The following SNRPB variants were observed in gnomAD, a reference collection of about 807,000 sequenced individuals.
SNRPB encodes the protein small nuclear ribonucleoprotein-associated proteins B and B'.
Under a neutral mutation model 26.6 loss-of-function variants are expected in SNRPB, and 5 were observed. That is an observed-to-expected ratio of 0.19 (90% CI 0.10 to 0.39). The LOEUF (loss-of-function observed/expected upper bound fraction) is 0.39. Among genes scored for constraint, SNRPB ranks in the 10% least tolerant of loss-of-function variants. SNRPB has a pLI of 1.00. For missense variants in SNRPB, 211 were observed against 311.9 expected, an observed-to-expected ratio of 0.68 and a Z score of 2.44; for synonymous variants, 122 against 105.8, an observed-to-expected ratio of 1.15 and a Z score of -0.94.
intron 6 of SNRPB, 53 bp from the exon 7 acceptor site, chr20:2,461,992 C>A: frequency 7.4e-7 from 1 of 1,354,546 alleles, no homozygotes; most frequent in Non-Finnish European, 1.0e-6. Context: ...CTTGAATCCC[C>A]AACCCTGCCC....
Position 2,465,825 on chromosome 20 carries a change from G to GTCAC in SNRPB, c.156-7_156-6insGTGA. 6.2e-7 allele frequency: 1 copy of GTCAC among 1,611,820 alleles called. No homozygotes were observed. The highest frequency in any genetic ancestry group is 8.5e-7 in the Non-Finnish European group (1 of 1,178,180). On this transcript the variant is annotated splice_polypyrimidine_tract_variant and splice_region_variant and intron_variant, in intron 2 of 6. Coordinates refer to ENST00000381342, the MANE Select transcript of SNRPB (RefSeq NM_003091.4). ...CTTGTTTGGAGTTCTTTGGCCTAAA[G>GTCAC]AGAGGTTTAGAAGGAACAAAAAAAG...
chr20:2,466,571 T>G (rs112354381), intron 2 of SNRPB, among the ~76,000 whole-genome samples: 8 of 152,212 alleles, frequency 5.3e-5, no homozygotes, highest in Non-Finnish European at 1.2e-4. Context: ...TTACAGTATA[T>G]TAACTGGTTG....
At chr20:2,465,841 AC>A (rs1188050152) in intron 2 of SNRPB, 22 bp from the exon 3 acceptor site, 12 of 1,596,868 alleles carry the variant, frequency 7.5e-6, no homozygotes, top group African/African-American at 1.3e-5. Context: ...TTTAGAAGGA[AC>A]AAAAAAAGTG....
At chr20:2,462,976 T>C (rs1471412308) in intron 5 of SNRPB, 113 bp downstream of exon 5, 1 of 1,136,622 alleles carries the variant, frequency 8.8e-7, no homozygotes, top group Non-Finnish European at 1.3e-6. Context: ...CTCAGAGTAA[T>C]CCTGCTTAAT....
rs1279877679 is a variant in SNRPB at position 2,467,464 on chromosome 20, AT to A, written c.155+142del. The A allele has an allele frequency of 5.5e-6, 4 of 733,058 alleles. No individual in the cohort carries two copies. In the African/African-American group the frequency reaches 7.1e-5, roughly 13 times the overall value. The allele number at this position is 733,058 out of a possible 1,614,324, so 45.4% of individuals were successfully genotyped here. A position where few individuals can be genotyped will look rare whatever the true frequency, so the allele number is the denominator to read the frequency against. ...ACTCAAAAAGATTTCTTAGCGTTCA[AT>A]GTCCCCATTTAAGTCTGCCCTCTAA... On this transcript the variant is annotated intron_variant, in intron 2 of 6. Transcript: ENST00000381342.
intron 3 of SNRPB, among the ~76,000 whole-genome samples, chr20:2,465,390 CT>C (rs1222595485): frequency 4.6e-3 from 558 of 122,202 alleles, no homozygotes; most frequent in Admixed American, 6.5e-3. Flanking sequence ...AGGGTAACCT[CT>C]TTTTTTTTTT....
At chr20:2,469,988 A>T (rs974389560) in intron 1 of SNRPB, among the ~76,000 whole-genome samples, 1 of 152,180 alleles carries the variant, frequency 6.6e-6, no homozygotes, top group African/African-American at 2.4e-5. Flanking sequence ...TCTGCTCAGG[A>T]ACCATCTATT....
Position 2,463,060 on chromosome 20 carries a change from T to A in SNRPB, c.559+29A>T, listed in dbSNP as rs757566588. The A allele has an allele frequency of 1.1e-5, 17 of 1,519,080 alleles. No individual in the cohort carries two copies. The South Asian group carries it at 2.2e-4, about 20-fold the overall frequency. 94.1% of individuals were successfully genotyped at this position (1,519,080 alleles called of 1,614,324 possible). ...TCCAGCTAAGGCATCTTCTATCAAT[T>A]AGCACTGGTCTCCTTATGGGCTCCT... On this transcript the variant is annotated intron_variant, in intron 5 of 6. Transcript: ENST00000381342. The surrounding 1 kb of genome is among the most constrained non-coding windows in gnomAD (Gnocchi z 5.0).
intron 5 of SNRPB, 102 bp downstream of exon 5, chr20:2,462,987 T>C: frequency 8.4e-7 from 1 of 1,192,846 alleles, no homozygotes. Context: ...CCTGCTTAAT[T>C]ATACAAACTC....
In SNRPB at chr20:2,470,696, C is replaced by A. The variant is rs1367420513; in HGVS notation, c.-6G>T. 7 of 1,613,410 alleles carry A rather than the reference C, an allele frequency of 4.3e-6. No homozygotes were observed. Among genetic ancestry groups the A allele is most frequent in the Admixed American group, 3.3e-5 (2 of 59,994 alleles). ...GCCTGTGCCCTCCTTACCATGGTGG[C>A]GGTTCTGATGGCTCTGATACCCGCC... On this transcript the variant is annotated 5_prime_UTR_variant, in exon 1 of 7. Transcript: ENST00000381342.
chr20:2,464,211 C>T (rs2085056243), intron 3 of SNRPB, among the ~76,000 whole-genome samples: 1 of 152,186 alleles, frequency 6.6e-6, no homozygotes, highest in African/African-American at 2.4e-5. Flanking sequence ...GCAGGCAAGG[C>T]ATTAAAGGGA....
Position 2,462,768 on chromosome 20 carries a change from G to C in SNRPB, c.560-7C>G, listed in dbSNP as rs565253392. On this transcript the variant is annotated splice_polypyrimidine_tract_variant and splice_region_variant and intron_variant, in intron 5 of 6. Coordinates refer to ENST00000381342, the MANE Select transcript of SNRPB (RefSeq NM_003091.4). ...GGAGGTGGGCCCATCATGCCTGCAAGAGAAAAGCCCCAAGAATATAGCTCA... is the reference window on the plus strand; with the variant it reads ...GGAGGTGGGCCCATCATGCCTGCAACAGAAAAGCCCCAAGAATATAGCTCA... The C allele has an allele frequency of 2.6e-6, 4 of 1,526,876 alleles. No homozygotes were observed. The highest frequency in any genetic ancestry group is 2.2e-5 in the Admixed American group (1 of 44,492). 94.6% of individuals were successfully genotyped at this position (1,526,876 alleles called of 1,614,324 possible). A position where few individuals can be genotyped will look rare whatever the true frequency, so the allele number is the denominator to read the frequency against.
chr20:2,463,362 C>T lies in SNRPB; in HGVS notation c.421-135G>A, dbSNP rs1599996490. The T allele has an allele frequency of 2.8e-6, 2 of 701,844 alleles. No individual in the cohort carries two copies. Among genetic ancestry groups the T allele is most frequent in the Non-Finnish European group, 5.0e-6 (2 of 396,780 alleles). The allele number at this position is 701,844 out of a possible 1,614,324, so 43.5% of individuals were successfully genotyped here. On this transcript the variant is annotated intron_variant, in intron 4 of 6. Coordinates refer to ENST00000381342, the MANE Select transcript of SNRPB (RefSeq NM_003091.4). This position sits in a 1 kb window ranked among gnomAD's most constrained non-coding sequence, Gnocchi z 5.0. ...TAATGCTACAACTCTCAGCACCAGA[C>T]TTCCCATCCAAAACCACATGTCGGG...
chr20:2,470,779 A>T lies in SNRPB; in HGVS notation c.-89T>A. 1 of 1,515,728 alleles carries T rather than the reference A, an allele frequency of 6.6e-7. No individual in the cohort carries two copies. Among genetic ancestry groups the T allele is most frequent in the Non-Finnish European group, 9.1e-7 (1 of 1,096,982 alleles). 93.9% of individuals were successfully genotyped at this position (1,515,728 alleles called of 1,614,324 possible). A position where few individuals can be genotyped will look rare whatever the true frequency, so the allele number is the denominator to read the frequency against. Reference sequence around the variant, plus strand: ...CCACAGCCGATTTCCCGCCGCCGCTACCGGAAATGCAGCACCACGTAAAAT... The same window carrying T: ...CCACAGCCGATTTCCCGCCGCCGCTTCCGGAAATGCAGCACCACGTAAAAT... On this transcript the variant is annotated 5_prime_UTR_variant, in exon 1 of 7. Transcript: ENST00000381342.
chr20:2,468,339 G>C (rs1185664943), intron 1 of SNRPB, among the ~76,000 whole-genome samples: 1 of 152,158 alleles, frequency 6.6e-6, no homozygotes, highest in East Asian at 1.9e-4. Flanking sequence ...TAACCAGTTT[G>C]GACATATAAT....
At chr20:2,465,965 C>T (rs886893751) in intron 2 of SNRPB, 146 bp from the exon 3 acceptor site, 1 of 629,396 alleles carries the variant, frequency 1.6e-6, no homozygotes, top group African/African-American at 1.8e-5. Context: ...ATAGTCTCTA[C>T]AGGCTGAACA....
chr20:2,467,205 A>G, intron 2 of SNRPB: 1 of 455,620 alleles, frequency 2.2e-6, no homozygotes, highest in Non-Finnish European at 4.4e-6. Flanking sequence ...GAAGAGGGTC[A>G]GAGGCTTCTT....
At chr20:2,465,191 C>T (rs752557253) in intron 3 of SNRPB, among the ~76,000 whole-genome samples, 26 of 152,212 alleles carry the variant, frequency 1.7e-4, no homozygotes, top group Non-Finnish European at 2.1e-4. Flanking sequence ...AAAATACACA[C>T]ATTTCCTATT....
At position 2,461,809 on chromosome 20, in the gene SNRPB, G is replaced by C; in HGVS notation, c.*120C>G. 6.2e-7 allele frequency: 1 copy of C among 1,613,634 alleles called. No homozygotes were observed. Among genetic ancestry groups the C allele is most frequent in the Admixed American group, 1.7e-5 (1 of 59,918 alleles). ...GGAGGGGGCCCTGTAAGGGAAACCAGACAATCCCATGAGACTCCACGAACA... is the reference window on the plus strand; with the variant it reads ...GGAGGGGGCCCTGTAAGGGAAACCACACAATCCCATGAGACTCCACGAACA... On this transcript the variant is annotated 3_prime_UTR_variant, in exon 7 of 7. Coordinates refer to ENST00000381342, the MANE Select transcript of SNRPB (RefSeq NM_003091.4).
Sources: gnomAD v4.1 joint callset for allele counts (sites outside exome capture counted in the v4.1 genomes callset) on GRCh38, gnomAD v4.1.1 for gene constraint, Gnocchi (gnomAD v3.1) non-coding constraint, MANE v1.5 for transcripts, NCBI Gene and HGNC (gene_info 2026-07-23, HGNC 2026-07-21) for gene names.